EPSTI1: variants seen among roughly 807,000 people sequenced by gnomAD.
The protein encoded by EPSTI1 is epithelial stromal interaction 1.
EPSTI1 carries 66 observed loss-of-function variants against 49.9 expected under a neutral mutation model. The ratio of observed to expected loss-of-function variants is 1.32; its 90% confidence interval spans 1.08 to 1.62. The LOEUF (loss-of-function observed/expected upper bound fraction) is 1.62, where lower values mean the gene tolerates loss of function less well. Among genes scored for constraint, EPSTI1 ranks in the 40% most tolerant of loss-of-function variants. EPSTI1 has a pLI of 0.00. For missense variants in EPSTI1, 394 were observed against 365.5 expected (o/e 1.08, Z -0.64); for synonymous variants, 137 against 130.7 (o/e 1.05, Z -0.33).
chr13:42,911,264 T>TGTGTGTGCGCGC (rs549150890), intron 8 of EPSTI1, among the ~76,000 whole-genome samples: 11 of 148,550 alleles, frequency 7.4e-5, no homozygotes, highest in South Asian at 4.2e-4. Flanking sequence ...TGTGTGTGTG[T>TGTGTGTGCGCGC]GCGCGCGCAC....
At chr13:42,919,171 G>GA (rs2037923705) in intron 7 of EPSTI1, 1 of 744,616 alleles carries the variant, frequency 1.3e-6, no homozygotes, top group Non-Finnish European at 2.2e-6. Context: ...TTTTGACTCA[G>GA]AAAAAAGTGG....
intron 1 of EPSTI1, among the ~76,000 whole-genome samples, chr13:42,986,762 A>C (rs78421576): frequency 8.5e-4 from 112 of 132,166 alleles, no homozygotes; most frequent in Middle Eastern, 4.3e-3. Context: ...AAAAAAAAAA[A>C]AAAAAAAAAC....
At chr13:42,963,615 TGTG>T in intron 4 of EPSTI1, 1 of 426,376 alleles carries the variant, frequency 2.3e-6, no homozygotes, top group Non-Finnish European at 4.1e-6. Flanking sequence ...TGTATGTGTG[TGTG>T]GTGTGTGTGT....
At chr13:42,888,599 G>A in intron 10 of EPSTI1, 97 bp from the exon 11 acceptor site, 1 of 1,279,632 alleles carries the variant, frequency 7.8e-7, no homozygotes, top group African/African-American at 1.5e-5. Context: ...ACGCTCTTAT[G>A]CATCAAGCTG....
At position 42,888,399 on chromosome 13, in the gene EPSTI1, A is replaced by G; in HGVS notation, c.*95T>C. On this transcript the variant is annotated 3_prime_UTR_variant, in exon 11 of 11. Coordinates refer to ENST00000313624, the MANE Select transcript of EPSTI1 (RefSeq NM_033255.5). Reference sequence around the variant, plus strand: ...GTGTGGGCAGTTGAAATTAAGGTAAAAACAGTGAGGCTGAACAAAATCACA... The same window carrying G: ...GTGTGGGCAGTTGAAATTAAGGTAAGAACAGTGAGGCTGAACAAAATCACA... The G allele has an allele frequency of 6.2e-7, 1 of 1,614,168 alleles. No homozygotes were observed. Among genetic ancestry groups the G allele is most frequent in the Non-Finnish European group, 8.5e-7 (1 of 1,180,026 alleles).
intron 8 of EPSTI1, among the ~76,000 whole-genome samples, chr13:42,909,601 AAAAG>A (rs930031200): frequency 7.3e-5 from 6 of 82,104 alleles, no homozygotes; most frequent in Non-Finnish European, 2.5e-4. Context: ...TTCCACCATA[AAAAG>A]AAGGAAATCT....
intron 3 of EPSTI1, among the ~76,000 whole-genome samples, chr13:42,968,254 A>G (rs1293744850): frequency 6.6e-6 from 1 of 151,766 alleles, no homozygotes; most frequent in African/African-American, 2.4e-5. Context: ...CAGTGGGATG[A>G]TGATAATATT....
intron 1 of EPSTI1, among the ~76,000 whole-genome samples, chr13:42,977,125 T>A (rs2039896775): frequency 6.6e-6 from 1 of 152,210 alleles, no homozygotes. Flanking sequence ...AAGAAAACAC[T>A]AACAGTCCTC....
At chr13:42,918,308 A>C (rs2037896531) in intron 7 of EPSTI1, among the ~76,000 whole-genome samples, 1 of 152,184 alleles carries the variant, frequency 6.6e-6, no homozygotes, top group Admixed American at 6.5e-5. Context: ...TCTGACATTT[A>C]TGGCATTTCA....
intron 10 of EPSTI1, 111 bp downstream of exon 10, chr13:42,894,898 C>G (rs2037145382): frequency 4.3e-6 from 4 of 926,288 alleles, no homozygotes; most frequent in Middle Eastern, 2.3e-4. Context: ...CCAAACAGCA[C>G]AACAACAAAA....
In EPSTI1 at chr13:42,968,934, A is replaced by T. The variant is rs1201106817; in HGVS notation, c.331+160T>A. 3.1e-3 allele frequency among the ~76,000 whole-genome samples: 404 copies of T among 129,270 alleles called. 3 individuals carry two copies. The highest frequency in any genetic ancestry group is 0.011 in the African/African-American group (367 of 33,506). 84.8% of individuals were successfully genotyped at this position (129,270 alleles called of 152,430 possible). A position where few individuals can be genotyped will look rare whatever the true frequency, so the allele number is the denominator to read the frequency against. The stretch of plus-strand genomic sequence containing the variant: ...AAAAAAAAAAAATACACACACACAC[A>T]CACACACACACACACACACAATTAA... On this transcript the variant is annotated intron_variant, in intron 3 of 10. Coordinates refer to ENST00000313624, the MANE Select transcript of EPSTI1 (RefSeq NM_033255.5).
chr13:42,959,717 A>G (rs974049803), intron 5 of EPSTI1, among the ~76,000 whole-genome samples: 1 of 152,198 alleles, frequency 6.6e-6, no homozygotes, highest in African/African-American at 2.4e-5. Flanking sequence ...GAGCAAGGAA[A>G]GGTGTTGGAA....
At chr13:42,915,559 G>A (rs769194960) in intron 8 of EPSTI1, among the ~76,000 whole-genome samples, 2 of 152,024 alleles carry the variant, frequency 1.3e-5, no homozygotes, top group African/African-American at 2.4e-5. Flanking sequence ...TTCAATGAAC[G>A]TTTCCCAACA....
rs2038049541 is a variant in EPSTI1 at position 42,922,742 on chromosome 13, C to T, written c.657+3594G>A. Among the ~76,000 whole-genome samples, 1 of 152,174 alleles carries T rather than the reference C, an allele frequency of 6.6e-6. No individual in the cohort carries two copies. On this transcript the variant is annotated intron_variant, in intron 7 of 10. Transcript: ENST00000313624. This position sits in a 1 kb window ranked among gnomAD's most constrained non-coding sequence, Gnocchi z 4.8. The stretch of plus-strand genomic sequence containing the variant: ...TTTATTTGACTTCTTAATGAATGAG[C>T]ATGTGACACGTAGATAAAAATTACA...
At position 42,888,511 on chromosome 13, in the gene EPSTI1, A is replaced by G. The variant is rs752430421; in HGVS notation, c.916-9T>C. 3 of 1,580,026 alleles carry G rather than the reference A, an allele frequency of 1.9e-6. No homozygotes were observed. In the South Asian group the frequency reaches 3.5e-5, roughly 19 times the overall value. ...ATATTTTCTCATATACCCTGGAAGA[A>G]AAAGAAAACAAAAATTACTGCAAGC... On this transcript the variant is annotated splice_polypyrimidine_tract_variant and intron_variant, in intron 10 of 10. Transcript: ENST00000313624.
chr13:42,969,675 T>C (rs1441732704), intron 2 of EPSTI1: 1 of 162,342 alleles, frequency 6.2e-6, no homozygotes, highest in Non-Finnish European at 1.3e-5. Context: ...AGACCCTTGC[T>C]CTGGTTTCAG....
At chr13:42,893,193 TA>T (rs1461250663) in intron 10 of EPSTI1, among the ~76,000 whole-genome samples, 1 of 152,238 alleles carries the variant, frequency 6.6e-6, no homozygotes, top group Non-Finnish European at 1.5e-5. Context: ...AACAGGGCAG[TA>T]GCAAGAAGGA....
At chr13:42,917,870 ATCTAAATG>A (rs2037883772) in intron 7 of EPSTI1, among the ~76,000 whole-genome samples, 1 of 152,202 alleles carries the variant, frequency 6.6e-6, no homozygotes, top group African/African-American at 2.4e-5. Context: ...TGAAAGGATG[ATCTAAATG>A]TTTAATTAAG....
At chr13:42,936,745 CG>C (rs2038577558) in intron 6 of EPSTI1, among the ~76,000 whole-genome samples, 1 of 152,156 alleles carries the variant, frequency 6.6e-6, no homozygotes, top group South Asian at 2.1e-4. Context: ...AGACCAAATT[CG>C]TGTGTACAAC....
Sources: allele counts gnomAD v4.1 joint callset (sites outside exome capture counted in the v4.1 genomes callset), GRCh38; gene constraint gnomAD v4.1.1; non-coding constraint Gnocchi (gnomAD v3.1); transcripts MANE v1.5; gene names NCBI Gene and HGNC (gene_info 2026-07-23, HGNC 2026-07-21).